The following XYLT1 variants were observed in gnomAD, a reference collection of about 807,000 sequenced individuals.
XYLT1 encodes beta-D-xylosyltransferase 1.
In XYLT1, 36 loss-of-function variants were observed where a neutral mutation model predicts 91.3. That is an observed-to-expected ratio of 0.39 (90% CI 0.30 to 0.52). The LOEUF is 0.52. Among genes scored for constraint, XYLT1 ranks in the 20% least tolerant of loss-of-function variants. XYLT1 has a pLI of 0.68. For synonymous variants in XYLT1, 588 were observed against 532.0 expected (o/e 1.11, Z -1.45); for missense variants, 1,242 against 1,284.5 (o/e 0.97, Z 0.51).
intron 1 of XYLT1, among the ~76,000 whole-genome samples, chr16:17,429,260 C>A (rs1259980514): frequency 6.6e-6 from 1 of 152,206 alleles, no homozygotes; most frequent in Non-Finnish European, 1.5e-5. Context: ...TTCAAGAAAT[C>A]ATTAAAAATG....
intron 5 of XYLT1, among the ~76,000 whole-genome samples, chr16:17,172,466 C>CTT (rs1157952692): frequency 0.021 from 2,165 of 102,582 alleles, 42 homozygotes; most frequent in East Asian, 0.06. Flanking sequence ...GCGTTCATTT[C>CTT]TTTTTTTTTT....
chr16:17,264,907 G>C (rs1304170436), intron 2 of XYLT1, among the ~76,000 whole-genome samples: 1 of 152,144 alleles, frequency 6.6e-6, no homozygotes, highest in African/African-American at 2.4e-5. Context: ...ATCCATCTCA[G>C]GCCGGGCACA....
chr16:17,453,461 G>C (rs2036694752), intron 1 of XYLT1, among the ~76,000 whole-genome samples: 1 of 152,214 alleles, frequency 6.6e-6, no homozygotes, highest in Non-Finnish European at 1.5e-5. Context: ...TTCCAACCCT[G>C]TCAGTGCTAG....
At chr16:17,131,793 A>G (rs918887171) in intron 9 of XYLT1, among the ~76,000 whole-genome samples, 7 of 152,254 alleles carry the variant, frequency 4.6e-5, no homozygotes, top group African/African-American at 1.7e-4. Flanking sequence ...TGAGACTGTT[A>G]AAGTTTTCAC....
At chr16:17,460,499 G>A (rs1182982035) in intron 1 of XYLT1, among the ~76,000 whole-genome samples, 1 of 152,210 alleles carries the variant, frequency 6.6e-6, no homozygotes, top group Non-Finnish European at 1.5e-5. Flanking sequence ...CAGTGAATAA[G>A]CCACATGGGA....
intron 2 of XYLT1, among the ~76,000 whole-genome samples, chr16:17,352,422 C>A (rs2035234745): frequency 6.6e-6 from 1 of 152,138 alleles, no homozygotes; most frequent in East Asian, 1.9e-4. Context: ...TTCTCCCCTG[C>A]CTGATAAAGT....
At chr16:17,248,156 G>C (rs1365440957) in intron 3 of XYLT1, among the ~76,000 whole-genome samples, 2 of 152,168 alleles carry the variant, frequency 1.3e-5, no homozygotes, top group African/African-American at 4.8e-5. Flanking sequence ...TCGTGATAGT[G>C]AATAAGTCTC....
Position 17,103,000 on chromosome 16 carries a change from T to C in XYLT1, c.*5695A>G, listed in dbSNP as rs1966727407. The C allele has an allele frequency of 6.6e-5, 10 of 151,424 alleles. 1 individual carries two copies. The highest frequency in any genetic ancestry group is 6.6e-4 in the Admixed American group (10 of 15,176). 9.4% of individuals were successfully genotyped at this position (151,424 alleles called of 1,614,324 possible). On this transcript the variant is annotated 3_prime_UTR_variant, in exon 12 of 12. Transcript: ENST00000261381. Reference sequence around the variant, plus strand: ...GGACTACAAAGACAATTGCGCACAATTCCAGTGAATTTCCTATGAAAACCC... The same window carrying C: ...GGACTACAAAGACAATTGCGCACAACTCCAGTGAATTTCCTATGAAAACCC...
At chr16:17,145,517 C>CATCT (rs746640440) in intron 6 of XYLT1, among the ~76,000 whole-genome samples, 89 of 152,230 alleles carry the variant, frequency 5.8e-4, no homozygotes, top group Non-Finnish European at 9.6e-4. Flanking sequence ...TGCTGGTAGC[C>CATCT]ATCTCATCAC....
rs71390593 is a variant in XYLT1, at chr16:17,184,185, C to CTTTTTT, written c.1289+14021_1289+14026dup. 1.1e-4 allele frequency among the ~76,000 whole-genome samples: 12 copies of CTTTTTT among 107,476 alleles called. 2 individuals carry two copies. Among genetic ancestry groups the CTTTTTT allele is most frequent in the South Asian group, 3.7e-4 (1 of 2,708 alleles). The allele number at this position is 107,476 out of a possible 152,430, so 70.5% of individuals were successfully genotyped here. A position where few individuals can be genotyped will look rare whatever the true frequency, so the allele number is the denominator to read the frequency against. ...GGAGAAAAAGTCACATAAAAGACGG[C>CTTTTTT]TTTTTTTTTTTTTTTTTTTTGCCAA... On this transcript the variant is annotated intron_variant, in intron 5 of 11. Transcript: ENST00000261381.
intron 1 of XYLT1, among the ~76,000 whole-genome samples, chr16:17,364,219 C>T (rs1264361088): frequency 2.6e-5 from 4 of 152,088 alleles, no homozygotes. Flanking sequence ...TCTCACTGAC[C>T]CCCACGTAAA....
chr16:17,470,625 G>T lies in XYLT1; in HGVS notation c.172C>A (p.Pro58Thr), dbSNP rs1485490054. 2 of 1,110,820 alleles carry T rather than the reference G, an allele frequency of 1.8e-6. No individual in the cohort carries two copies. Among genetic ancestry groups the T allele is most frequent in the Non-Finnish European group, 2.2e-6 (2 of 914,064 alleles). 68.8% of individuals were successfully genotyped at this position (1,110,820 alleles called of 1,614,324 possible). ...GAAVGGGEQP[P>T]PAPAPRRERR... ...TCCCGGCGCGGGGCCGGGGCCGGGG[G>T]CGGCTGCTCCCCGCCGCCGACCGCT... The change falls in exon 1 of 12, where the codon CCC becomes ACC. Residue 58 changes from proline to threonine, a missense_variant. Physicochemically the swap from Pro to Thr is conservative, Grantham distance 38 (BLOSUM62 -1). Coordinates refer to ENST00000261381, the MANE Select transcript of XYLT1 (RefSeq NM_022166.4).
At chr16:17,468,650 T>C (rs1317001324) in intron 1 of XYLT1, among the ~76,000 whole-genome samples, 1 of 152,150 alleles carries the variant, frequency 6.6e-6, no homozygotes, top group Non-Finnish European at 1.5e-5. Context: ...ATGCTCACAA[T>C]GCCGGGGACC....
intron 3 of XYLT1, among the ~76,000 whole-genome samples, chr16:17,207,696 A>G (rs2032679846): frequency 1.3e-5 from 2 of 152,176 alleles, no homozygotes; most frequent in South Asian, 4.1e-4. Context: ...AGCAGCACCA[A>G]GCCCTGCTGG....
chr16:17,369,438 T>G (rs1255371252), intron 1 of XYLT1, among the ~76,000 whole-genome samples: 3 of 152,094 alleles, frequency 2.0e-5, no homozygotes, highest in Non-Finnish European at 4.4e-5. Context: ...GGCAGGCACA[T>G]CCCCTTCTGT....
intron 1 of XYLT1, among the ~76,000 whole-genome samples, chr16:17,390,937 CT>C (rs1001988936): frequency 4.6e-5 from 7 of 152,170 alleles, no homozygotes; most frequent in Admixed American, 2.0e-4. Flanking sequence ...ACTCCAGAGG[CT>C]GAGGCAGGAG....
At chr16:17,137,001 TCAAA>T (rs957436507) in intron 8 of XYLT1, among the ~76,000 whole-genome samples, 3 of 152,104 alleles carry the variant, frequency 2.0e-5, no homozygotes, top group Non-Finnish European at 4.4e-5. Context: ...ATTGAATAGG[TCAAA>T]CAAACATTCC....
rs1195577105 is a variant in XYLT1, at chr16:17,450,362, C to CAAAA, written c.363+20068_363+20071dup. Among the ~76,000 whole-genome samples the CAAAA allele has an allele frequency of 5.7e-3, 829 of 145,504 alleles. 7 individuals are homozygous for CAAAA. The highest frequency in any genetic ancestry group is 7.7e-3 in the Non-Finnish European group (501 of 65,040). ...CAAAACAAACAAACAAACAAACAAA[C>CAAAA]AAAAAAAAAAAGGTGAGAAGGATTC... is the stretch of plus-strand genomic sequence containing the variant. On this transcript the variant is annotated intron_variant, in intron 1 of 11. Transcript: ENST00000261381.
At chr16:17,148,917 T>C (rs145029322) in intron 6 of XYLT1, among the ~76,000 whole-genome samples, 4 of 152,356 alleles carry the variant, frequency 2.6e-5, no homozygotes, top group Admixed American at 1.3e-4. Context: ...GTCTTCTACC[T>C]GAGGTCAAAT....
Sources: gnomAD v4.1 joint callset for allele counts (sites outside exome capture counted in the v4.1 genomes callset) on GRCh38, gnomAD v4.1.1 for gene constraint, MANE v1.5 for transcripts, NCBI Gene and HGNC (gene_info 2026-07-23, HGNC 2026-07-21) for gene names.